Variants in DPP10 observed in about 807,000 individuals in gnomAD.
DPP10 encodes the protein inactive dipeptidyl peptidase 10.
In DPP10, 33 loss-of-function variants were observed where a neutral mutation model predicts 120.9. The ratio of observed to expected loss-of-function variants is 0.27; its 90% CI spans 0.21 to 0.37. The LOEUF is 0.37. DPP10 is among the 10% of genes least tolerant of loss of function. The pLI, the probability that DPP10 is intolerant of heterozygous loss-of-function variation, is 1.00. For synonymous variants in DPP10, 337 were observed against 326.1 expected (o/e 1.03, Z -0.36); for missense variants, 816 against 942.8 (o/e 0.87, Z 1.76).
chr2:115,473,118 T>C (rs902751967), intron 3 of DPP10, among the ~76,000 whole-genome samples: 4 of 152,212 alleles, frequency 2.6e-5, no homozygotes, highest in Non-Finnish European at 5.9e-5. Context: ...TATAACATAT[T>C]GTATTTTGTT....
At chr2:115,662,925 C>A (rs1039659171) in intron 5 of DPP10, among the ~76,000 whole-genome samples, 6 of 152,090 alleles carry the variant, frequency 3.9e-5, no homozygotes, top group African/African-American at 9.7e-5. Context: ...TTGAGCAAAT[C>A]AATTAAATTT....
chr2:114,709,221 C>T (rs1700873131), intron 1 of DPP10, among the ~76,000 whole-genome samples: 1 of 152,150 alleles, frequency 6.6e-6, no homozygotes, highest in Non-Finnish European at 1.5e-5. Flanking sequence ...ACTTTCTTCC[C>T]CTCTCTGAGT....
Position 114,811,395 on chromosome 2 carries a change from A to AT in DPP10, c.60+368558dup, listed in dbSNP as rs553565295. Among the ~76,000 whole-genome samples, 201 of 152,154 alleles carry AT rather than the reference A, an allele frequency of 1.3e-3. 1 individual carries two copies. The highest frequency in any genetic ancestry group is 4.6e-3 in the African/African-American group (191 of 41,524). ...CATCTCTGCACACAGTTTTTGCTCCATACCTTCTTTGCCACCAACACTACT... is the reference window on the plus strand; with the variant it reads ...CATCTCTGCACACAGTTTTTGCTCCATTACCTTCTTTGCCACCAACACTACT... On this transcript the variant is annotated intron_variant, in intron 1 of 25. Coordinates refer to ENST00000410059, the MANE Select transcript of DPP10 (RefSeq NM_020868.6).
intron 1 of DPP10, among the ~76,000 whole-genome samples, chr2:114,977,741 T>C (rs1356252139): frequency 6.6e-6 from 1 of 152,234 alleles, no homozygotes; most frequent in Non-Finnish European, 1.5e-5. Context: ...TTACTTCTAG[T>C]ATTCTTAATA....
At chr2:115,214,576 T>G (rs568101645) in intron 1 of DPP10, among the ~76,000 whole-genome samples, 10 of 152,176 alleles carry the variant, frequency 6.6e-5, no homozygotes, top group Non-Finnish European at 1.3e-4. Context: ...GGGTATACAT[T>G]TTATATATGA....
At chr2:115,101,881 G>T (rs1299093583) in intron 1 of DPP10, among the ~76,000 whole-genome samples, 1 of 152,066 alleles carries the variant, frequency 6.6e-6, no homozygotes, top group Admixed American at 6.5e-5. Flanking sequence ...TCAATACAGT[G>T]GACCAATTTG....
At chr2:115,667,081 A>G (rs529663547) in intron 5 of DPP10, among the ~76,000 whole-genome samples, 7 of 152,078 alleles carry the variant, frequency 4.6e-5, no homozygotes, top group Non-Finnish European at 8.8e-5. Context: ...TCTCATTGTT[A>G]TATTTGCTTT....
At chr2:115,080,863 C>T (rs775866474) in intron 1 of DPP10, among the ~76,000 whole-genome samples, 2 of 152,082 alleles carry the variant, frequency 1.3e-5, no homozygotes, top group East Asian at 1.9e-4. Context: ...TGAAAAAGTC[C>T]GTTTTTATCA....
intron 3 of DPP10, among the ~76,000 whole-genome samples, chr2:115,426,593 G>A (rs910860533): frequency 1.0e-4 from 14 of 140,042 alleles, no homozygotes; most frequent in Middle Eastern, 4.1e-3. Context: ...CACCTCTGAC[G>A]CTGGAGATGA....
intron 1 of DPP10, 45 bp from the exon 2 acceptor site, chr2:115,309,194 C>G: frequency 6.8e-7 from 1 of 1,470,636 alleles, no homozygotes. Flanking sequence ...ATACATTTCT[C>G]TTGGAGCATG....
At chr2:115,033,192 C>A (rs1203140070) in intron 1 of DPP10, among the ~76,000 whole-genome samples, 1 of 152,152 alleles carries the variant, frequency 6.6e-6, no homozygotes, top group Non-Finnish European at 1.5e-5. Context: ...CCAACAGAGG[C>A]TAAGTAATGA....
At chr2:115,259,575 C>A (rs2059158809) in intron 1 of DPP10, among the ~76,000 whole-genome samples, 1 of 151,852 alleles carries the variant, frequency 6.6e-6, no homozygotes, top group South Asian at 2.1e-4. Flanking sequence ...CCAGAATGAC[C>A]CTAGAAAACC....
Position 115,700,554 on chromosome 2 carries a change from G to T in DPP10, c.576+10633G>T, listed in dbSNP as rs553686107. Among the ~76,000 whole-genome samples, 7 of 152,130 alleles carry T rather than the reference G, an allele frequency of 4.6e-5. No individual in the cohort carries two copies. The South Asian group carries it at 1.4e-3, about 31-fold the overall frequency. On this transcript the variant is annotated intron_variant, in intron 7 of 25. Transcript: ENST00000410059. The stretch of plus-strand genomic sequence containing the variant: ...GCAAGGATCCTTCCTTTTGAAACTT[G>T]TATTCACCACAGTACTGGAAGTCCT...
At chr2:114,586,349 A>G (rs964875427) in intron 1 of DPP10, among the ~76,000 whole-genome samples, 5 of 152,230 alleles carry the variant, frequency 3.3e-5, no homozygotes, top group African/African-American at 9.6e-5. Flanking sequence ...GATATTTGCC[A>G]TATAATATGG....
chr2:115,318,235 G>A (rs1324597956), intron 2 of DPP10, among the ~76,000 whole-genome samples: 1 of 151,940 alleles, frequency 6.6e-6, no homozygotes, highest in Admixed American at 6.6e-5. Flanking sequence ...ACCTTCCTTG[G>A]TTATAGATAT....
Position 115,334,354 on chromosome 2 carries a change from C to G in DPP10, c.176-9463C>G, listed in dbSNP as rs530620931. The stretch of plus-strand genomic sequence containing the variant: ...TATGCCAAGAAGAGCAAAGGTGATT[C>G]CCTGGAACTGTAAAACAGATGTAGT... On this transcript the variant is annotated intron_variant, in intron 2 of 25. Transcript: ENST00000410059. Among the ~76,000 whole-genome samples the G allele has an allele frequency of 2.0e-5, 3 of 150,506 alleles. No individual in the cohort carries two copies. In the South Asian group the frequency reaches 6.3e-4, roughly 32 times the overall value.
chr2:115,031,699 A>T (rs1703852967), intron 1 of DPP10, among the ~76,000 whole-genome samples: 1 of 152,170 alleles, frequency 6.6e-6, no homozygotes, highest in Non-Finnish European at 1.5e-5. Context: ...AAAACACCTT[A>T]ATTTTTTTTT....
chr2:114,894,327 A>C (rs922075905), intron 1 of DPP10, among the ~76,000 whole-genome samples: 1 of 152,200 alleles, frequency 6.6e-6, no homozygotes. Context: ...TTCAGAGACA[A>C]GGTTGCTTAC....
At chr2:115,376,149 G>A (rs1013435768) in intron 3 of DPP10, among the ~76,000 whole-genome samples, 6 of 152,110 alleles carry the variant, frequency 3.9e-5, no homozygotes, top group Admixed American at 3.9e-4. Flanking sequence ...ATATTCATTT[G>A]TCTGCTTGTT....
Sources: gnomAD v4.1 joint callset for allele counts (sites outside exome capture counted in the v4.1 genomes callset) on GRCh38, gnomAD v4.1.1 for gene constraint, MANE v1.5 for transcripts, NCBI Gene and HGNC (gene_info 2026-07-23, HGNC 2026-07-21) for gene names.